LONP2: variants seen among roughly 807,000 people sequenced by gnomAD.
LONP2 encodes the protein lon peptidase 2, peroxisomal, also known as lon protease homolog 2, peroxisomal.
A neutral mutation model predicts 85.6 loss-of-function variants in LONP2; 60 were observed. The observed-to-expected ratio is 0.70, with a 90% confidence interval of 0.57 to 0.87. The LOEUF (loss-of-function observed/expected upper bound fraction) is 0.87. LONP2 is among the 40% of genes least tolerant of loss of function. The pLI is 0.00. For missense variants in LONP2, 860 were observed against 1,063.5 expected (o/e 0.81, Z 2.66); for synonymous variants, 395 against 389.7 (o/e 1.01, Z -0.16).
At chr16:48,320,917 G>A (rs938998879) in intron 11 of LONP2, among the ~76,000 whole-genome samples, 3 of 152,186 alleles carry the variant, frequency 2.0e-5, no homozygotes, top group Admixed American at 6.5e-5. Context: ...TCATCATTCT[G>A]TTAAATGAAT....
At chr16:48,277,289 C>G (rs764918867) in intron 7 of LONP2, 49 bp from the exon 8 acceptor site, 3 of 1,585,436 alleles carry the variant, frequency 1.9e-6, no homozygotes, top group South Asian at 2.3e-5. Context: ...TGGCGTCGCT[C>G]CTGCCTCCTG....
chr16:48,302,245 T>C (rs1972822345), intron 10 of LONP2, among the ~76,000 whole-genome samples: 1 of 152,354 alleles, frequency 6.6e-6, no homozygotes, highest in East Asian at 1.9e-4. Context: ...ATTGAAATTA[T>C]ACGTAGTTGC....
intron 1 of LONP2, 22 bp from the exon 2 acceptor site, chr16:48,252,109 C>T (rs1280924265): frequency 4.0e-6 from 6 of 1,518,688 alleles, no homozygotes; most frequent in Middle Eastern, 1.7e-4. Flanking sequence ...TTTGTAATAC[C>T]GATGTTTTGT....
intron 11 of LONP2, among the ~76,000 whole-genome samples, chr16:48,308,611 G>A (rs1172427079): frequency 4.2e-5 from 6 of 144,476 alleles, no homozygotes; most frequent in African/African-American, 7.9e-5. Context: ...TAGGGGTATC[G>A]CAGCGAGACT....
intron 6 of LONP2, among the ~76,000 whole-genome samples, chr16:48,265,785 A>G (rs936588253): frequency 3.9e-5 from 6 of 152,240 alleles, no homozygotes; most frequent in Admixed American, 3.3e-4. Flanking sequence ...TAGGGATTAC[A>G]TTGAACTTGT....
intron 13 of LONP2, 70 bp from the exon 14 acceptor site, chr16:48,348,030 C>CT (rs956803139): frequency 6.0e-4 from 810 of 1,357,170 alleles, no homozygotes; most frequent in Non-Finnish European, 7.0e-4. Flanking sequence ...TTGTTTGTGA[C>CT]TTTTTTTTTA....
chr16:48,358,899 GTTT>G (rs1202125320), downstream of LONP2, among the ~76,000 whole-genome samples: 2 of 152,290 alleles, frequency 1.3e-5, no homozygotes, highest in Non-Finnish European at 2.9e-5. Flanking sequence ...TGTATGTGCA[GTTT>G]TATAATTTCC....
chr16:48,359,093 TTCTTCTGCC>T (rs546726822), downstream of LONP2, among the ~76,000 whole-genome samples: 91 of 152,238 alleles, frequency 6.0e-4, no homozygotes, highest in Admixed American at 4.3e-3. Context: ...GTTCAAGGGA[TTCTTCTGCC>T]TCAGCTTCCC....
intron 11 of LONP2, among the ~76,000 whole-genome samples, chr16:48,321,954 T>G (rs1280877697): frequency 6.6e-6 from 1 of 151,832 alleles, no homozygotes; most frequent in East Asian, 1.9e-4. Context: ...CTTTTTTTTT[T>G]TTTACTTCTT....
intron 8 of LONP2, among the ~76,000 whole-genome samples, chr16:48,289,465 G>C (rs914768717): frequency 6.6e-6 from 1 of 152,172 alleles, no homozygotes; most frequent in Non-Finnish European, 1.5e-5. Flanking sequence ...GGGGCAATCA[G>C]GTTTACCTCA....
At chr16:48,316,325 T>A (rs1034248364) in intron 11 of LONP2, among the ~76,000 whole-genome samples, 1 of 143,972 alleles carries the variant, frequency 6.9e-6, no homozygotes, top group Admixed American at 6.9e-5. Flanking sequence ...ATTGGATTCT[T>A]TTTTTTTTTT....
intron 7 of LONP2, among the ~76,000 whole-genome samples, chr16:48,273,120 A>T (rs899316785): frequency 6.6e-6 from 1 of 152,176 alleles, no homozygotes; most frequent in Admixed American, 6.6e-5. Context: ...TCAGCCTTTG[A>T]GTAGGCACCA....
At position 48,254,073 on chromosome 16, in the gene LONP2, C is replaced by T. The variant is rs183027600; in HGVS notation, c.468+1708C>T. On this transcript the variant is annotated intron_variant, in intron 2 of 14. Coordinates refer to ENST00000285737, the MANE Select transcript of LONP2 (RefSeq NM_031490.5). Reference sequence around the variant, plus strand: ...AATAGCATCCTGTCTCCTAGTTCTTCTGTCTTGAACCTTTTCTCTTCACTG... The same window carrying T: ...AATAGCATCCTGTCTCCTAGTTCTTTTGTCTTGAACCTTTTCTCTTCACTG... Among the ~76,000 whole-genome samples the T allele has an allele frequency of 2.1e-3, 326 of 152,310 alleles. 2 individuals carry two copies. Among genetic ancestry groups the T allele is most frequent in the African/African-American group, 7.7e-3 (318 of 41,548 alleles).
Position 48,352,259 on chromosome 16 carries a change from T to C in LONP2, c.*457T>C, listed in dbSNP as rs897425103. ...CGGTATAGACCATTACCTTAGTGGA[T>C]TTACCTGTAGAGTTTATTGGATCCT... On this transcript the variant is annotated 3_prime_UTR_variant, in exon 15 of 15. Transcript: ENST00000285737. 6.2e-6 allele frequency: 1 copy of C among 162,258 alleles called. No individual in the cohort carries two copies. The highest frequency in any genetic ancestry group is 2.4e-5 in the African/African-American group (1 of 41,596). 10.1% of individuals were successfully genotyped at this position (162,258 alleles called of 1,614,324 possible). A position where few individuals can be genotyped will look rare whatever the true frequency, so the allele number is the denominator to read the frequency against.
intron 11 of LONP2, among the ~76,000 whole-genome samples, chr16:48,325,286 A>C (rs1973346941): frequency 6.6e-6 from 1 of 152,186 alleles, no homozygotes; most frequent in African/African-American, 2.4e-5. Flanking sequence ...TCCTCCTGAC[A>C]GGCCATGGAC....
At position 48,284,945 on chromosome 16, in the gene LONP2, T is replaced by C. The variant is rs142240757; in HGVS notation, c.1383+7466T>C. Among the ~76,000 whole-genome samples, 374 of 152,356 alleles carry C rather than the reference T, an allele frequency of 2.5e-3. 1 individual carries two copies. The highest frequency in any genetic ancestry group is 4.6e-3 in the Non-Finnish European group (310 of 68,024). On this transcript the variant is annotated intron_variant, in intron 8 of 14. Transcript: ENST00000285737. The stretch of plus-strand genomic sequence containing the variant: ...TTTACACTGCCTTTTATGTTTGCAA[T>C]GTAATCACTTCTGCCAGTGCGCTCT...
chr16:48,335,466 A>T (rs1471972817), intron 12 of LONP2, among the ~76,000 whole-genome samples: 1 of 152,218 alleles, frequency 6.6e-6, no homozygotes, highest in Non-Finnish European at 1.5e-5. Context: ...GTTAGACTAT[A>T]ACTGCTAAGG....
intron 2 of LONP2, 71 bp from the exon 3 acceptor site, chr16:48,256,539 G>A: frequency 6.6e-7 from 1 of 1,515,188 alleles, no homozygotes; most frequent in Non-Finnish European, 9.1e-7. Context: ...AAACCTAGAT[G>A]GAAATCTGAT....
intron 1 of LONP2, among the ~76,000 whole-genome samples, chr16:48,244,912 C>G (rs1002010835): frequency 6.6e-6 from 1 of 152,210 alleles, no homozygotes; most frequent in Non-Finnish European, 1.5e-5. Context: ...AATTCCTCGC[C>G]CTCGGTCTTC....
Sources: allele counts gnomAD v4.1 joint callset (sites outside exome capture counted in the v4.1 genomes callset), GRCh38; gene constraint gnomAD v4.1.1; transcripts MANE v1.5; gene names NCBI Gene and HGNC (gene_info 2026-07-23, HGNC 2026-07-21).